The following COL23A1 variants were observed in gnomAD, a reference collection of about 807,000 sequenced individuals.
The protein encoded by COL23A1 is collagen type XXIII alpha 1 chain, also known as collagen alpha-1(XXIII) chain.
COL23A1 carries 97 observed loss-of-function variants against 99.3 expected under a neutral mutation model. The observed-to-expected ratio is 0.98, with a 90% confidence interval of 0.83 to 1.16. The LOEUF is 1.16. Among genes scored for constraint, COL23A1 ranks in the 50% most tolerant of loss-of-function variants. The probability of loss-of-function intolerance (pLI) is 0.00; values close to 1 mark genes in which losing one functional copy is unlikely to be tolerated. For synonymous variants in COL23A1, 320 were observed against 308.2 expected, an observed-to-expected ratio of 1.04 and a Z score of -0.40; for missense variants, 762 against 757.4, an observed-to-expected ratio of 1.01 and a Z score of -0.07.
intron 2 of COL23A1, among the ~76,000 whole-genome samples, chr5:178,554,181 CT>C (rs981887287): frequency 4.3e-4 from 64 of 147,250 alleles, no homozygotes; most frequent in East Asian, 7.9e-4. Flanking sequence ...TTCCTTTCTT[CT>C]TTTTTTTTTT....
rs574751084 is a variant in COL23A1 at position 178,288,221 on chromosome 5, C to G, written c.441+103G>C. 3.0e-6 allele frequency: 3 copies of G among 1,013,798 alleles called. No individual in the cohort carries two copies. In the African/African-American group the frequency reaches 4.6e-5, roughly 16 times the overall value. The allele number at this position is 1,013,798 out of a possible 1,614,324, so 62.8% of individuals were successfully genotyped here. A position where few individuals can be genotyped will look rare whatever the true frequency, so the allele number is the denominator to read the frequency against. ...CAGAAAGACCACGGCTGCTGAGGAG[C>G]AGAAGAGACAGGAGCGCAGACAGAG... On this transcript the variant is annotated intron_variant, in intron 5 of 28. Transcript: ENST00000390654.
chr5:178,383,320 C>G (rs565071876), intron 2 of COL23A1, among the ~76,000 whole-genome samples: 309 of 152,302 alleles, frequency 2.0e-3, no homozygotes, highest in African/African-American at 6.3e-3. Flanking sequence ...TTATCTCTAC[C>G]CCACCTGATC....
chr5:178,311,007 A>G (rs1300929036), intron 2 of COL23A1, among the ~76,000 whole-genome samples: 3 of 152,110 alleles, frequency 2.0e-5, no homozygotes, highest in African/African-American at 7.2e-5. Context: ...ATGCTGCTGG[A>G]AAACTTGTCC....
chr5:178,352,359 A>G (rs541879229), intron 2 of COL23A1: 1 of 152,368 alleles, frequency 6.6e-6, no homozygotes, highest in South Asian at 2.1e-4. Context: ...GCTATTAAAG[A>G]AATTTAACAA....
chr5:178,294,208 C>CGTG, intron 3 of COL23A1, among the ~76,000 whole-genome samples: 1 of 151,880 alleles, frequency 6.6e-6, no homozygotes, highest in Non-Finnish European at 1.5e-5. Flanking sequence ...GTGCCTTCCA[C>CGTG]GTGGTGATCT....
At chr5:178,563,942 C>T (rs1346179270) in intron 1 of COL23A1, among the ~76,000 whole-genome samples, 2 of 152,184 alleles carry the variant, frequency 1.3e-5, no homozygotes, top group Non-Finnish European at 2.9e-5. Context: ...GTGTAAGAAA[C>T]TCTCATCTGT....
chr5:178,317,871 C>G (rs2913781), intron 2 of COL23A1, among the ~76,000 whole-genome samples: 82,184 of 152,020 alleles, frequency 0.54, 23,486 homozygotes, highest in Non-Finnish European at 0.65. Context: ...GCAGGCAAGA[C>G]AGAATGTGAG....
Position 178,498,653 on chromosome 5 carries a change from G to A in COL23A1, c.361+62029C>T, listed in dbSNP as rs13362557. On this transcript the variant is annotated intron_variant, in intron 2 of 28. Transcript: ENST00000390654. ...ATATTTTTAAAATATTTTTAAGTCCGAATAAATCAATAAATACTACATATC... is the reference window on the plus strand; with the variant it reads ...ATATTTTTAAAATATTTTTAAGTCCAAATAAATCAATAAATACTACATATC... 2.6e-3 allele frequency among the ~76,000 whole-genome samples: 400 copies of A among 152,120 alleles called. 2 individuals carry two copies. The highest frequency in any genetic ancestry group is 9.1e-3 in the African/African-American group (377 of 41,486).
chr5:178,389,618 G>A (rs913927711), intron 2 of COL23A1, among the ~76,000 whole-genome samples: 2 of 152,146 alleles, frequency 1.3e-5, no homozygotes, highest in Non-Finnish European at 2.9e-5. Flanking sequence ...TCGTAGAAGT[G>A]GACTTGCATT....
intron 2 of COL23A1, among the ~76,000 whole-genome samples, chr5:178,507,330 C>T (rs1483722922): frequency 6.6e-6 from 1 of 152,158 alleles, no homozygotes; most frequent in Non-Finnish European, 1.5e-5. Context: ...TGAGAAACTT[C>T]CGATCTTTAG....
intron 1 of COL23A1, among the ~76,000 whole-genome samples, chr5:178,576,952 G>A (rs990910053): frequency 2.6e-5 from 4 of 151,636 alleles, no homozygotes; most frequent in African/African-American, 9.7e-5. Flanking sequence ...CGTCTTCCCC[G>A]CTGCGCCCCG....
At chr5:178,465,495 T>C (rs1316272309) in intron 2 of COL23A1, among the ~76,000 whole-genome samples, 3 of 152,174 alleles carry the variant, frequency 2.0e-5, no homozygotes, top group African/African-American at 7.2e-5. Flanking sequence ...CCCTCTGACA[T>C]GGGCCTCCGA....
chr5:178,451,581 C>T (rs1318496959), intron 2 of COL23A1, among the ~76,000 whole-genome samples: 4 of 144,264 alleles, frequency 2.8e-5, no homozygotes, highest in East Asian at 4.2e-4. Context: ...TGCTTGAACC[C>T]GGGAGGCAGA....
chr5:178,279,417 G>A (rs574011278), intron 5 of COL23A1, among the ~76,000 whole-genome samples: 1 of 152,378 alleles, frequency 6.6e-6, no homozygotes, highest in Non-Finnish European at 1.5e-5. Flanking sequence ...CACCCCTGGT[G>A]ATGTGGAACT....
At chr5:178,323,958 G>A (rs1759493206) in intron 2 of COL23A1, among the ~76,000 whole-genome samples, 1 of 152,216 alleles carries the variant, frequency 6.6e-6, no homozygotes, top group Non-Finnish European at 1.5e-5. Context: ...AAACCCGGAT[G>A]TGTTCAATTC....
intron 2 of COL23A1, among the ~76,000 whole-genome samples, chr5:178,346,214 A>T (rs897860069): frequency 3.3e-5 from 5 of 151,882 alleles, no homozygotes; most frequent in African/African-American, 9.7e-5. Context: ...TTATTTATTT[A>T]TTATTTATTT....
At chr5:178,339,466 T>C (rs944688405) in intron 2 of COL23A1, among the ~76,000 whole-genome samples, 1 of 152,218 alleles carries the variant, frequency 6.6e-6, no homozygotes, top group African/African-American at 2.4e-5. Flanking sequence ...ATTGTGCTCC[T>C]GTTACTACAG....
Position 178,329,551 on chromosome 5 carries a change from G to A in COL23A1, c.362-22632C>T, listed in dbSNP as rs753276444. 6.6e-5 allele frequency among the ~76,000 whole-genome samples: 10 copies of A among 152,050 alleles called. No individual in the cohort carries two copies. The East Asian group carries it at 9.7e-4, about 15-fold the overall frequency. On this transcript the variant is annotated intron_variant, in intron 2 of 28. Coordinates refer to ENST00000390654, the MANE Select transcript of COL23A1 (RefSeq NM_173465.4). ...GCCAAGGGAAGTCCAAAAACGCCCC[G>A]CACCCACCAGGCTCTTAGGGACCCC...
chr5:178,448,836 C>T (rs999375996), intron 2 of COL23A1, among the ~76,000 whole-genome samples: 1 of 152,018 alleles, frequency 6.6e-6, no homozygotes, highest in African/African-American at 2.4e-5. Flanking sequence ...CCACGAGGAT[C>T]AGCCCTCAGA....
Sources: allele counts gnomAD v4.1 joint callset (sites outside exome capture counted in the v4.1 genomes callset), GRCh38; gene constraint gnomAD v4.1.1; transcripts MANE v1.5; gene names NCBI Gene and HGNC (gene_info 2026-07-23, HGNC 2026-07-21).